The following CMIP variants were observed in gnomAD, a reference collection of about 807,000 sequenced individuals.
The protein encoded by CMIP is c-Maf inducing protein, also known as C-Maf-inducing protein.
In CMIP, 13 loss-of-function variants were observed where a neutral mutation model predicts 97.3. The observed-to-expected ratio is 0.13, with a 90% CI of 0.09 to 0.21. The LOEUF is 0.21. Ranked by LOEUF, CMIP falls within the 10% of genes least tolerant of loss-of-function variation. The pLI is 1.00. For synonymous variants in CMIP, 538 were observed against 436.3 expected (o/e 1.23, Z -2.91); for missense variants, 847 against 1,024.9 (o/e 0.83, Z 2.37).
intron 1 of CMIP, among the ~76,000 whole-genome samples, chr16:81,489,735 G>T (rs1245291122): frequency 3.3e-5 from 5 of 152,206 alleles, no homozygotes; most frequent in South Asian, 2.1e-4. Flanking sequence ...GGGGGAGAGA[G>T]CTGATGTGCG....
At chr16:81,574,393 G>A (rs1597104974) in intron 1 of CMIP, among the ~76,000 whole-genome samples, 1 of 152,366 alleles carries the variant, frequency 6.6e-6, no homozygotes, top group East Asian at 1.9e-4. Context: ...CATGGCAGGG[G>A]TGCCAGGCTT....
chr16:81,524,840 CTGGAGTGCAGTGT>C (rs1318609168), intron 1 of CMIP, among the ~76,000 whole-genome samples: 1 of 151,206 alleles, frequency 6.6e-6, no homozygotes, highest in Non-Finnish European at 1.5e-5. Context: ...TCTGCCCAGG[CTGGAGTGCAGTGT>C]TGCTATCTTG....
chr16:81,578,455 C>G (rs2091239629), intron 1 of CMIP, among the ~76,000 whole-genome samples: 1 of 152,146 alleles, frequency 6.6e-6, no homozygotes, highest in East Asian at 1.9e-4. Flanking sequence ...AATTGTATAC[C>G]TGAGCAAGGG....
At chr16:81,668,152 C>T (rs2092631055) in intron 7 of CMIP, among the ~76,000 whole-genome samples, 1 of 152,072 alleles carries the variant, frequency 6.6e-6, no homozygotes, top group Admixed American at 6.5e-5. Context: ...AGGCTGCTCT[C>T]CTTAAAAAAT....
At chr16:81,496,115 C>CATCTGTAGAATGGGGAT (rs1253278883) in intron 1 of CMIP, among the ~76,000 whole-genome samples, 1 of 152,114 alleles carries the variant, frequency 6.6e-6, no homozygotes, top group African/African-American at 2.4e-5. Context: ...TTTGTTTTTT[C>CATCTGTAGAATGGGGAT]ATCTGTAGAA....
chr16:81,458,611 T>G (rs924870027), intron 1 of CMIP, among the ~76,000 whole-genome samples: 1 of 152,176 alleles, frequency 6.6e-6, no homozygotes, highest in African/African-American at 2.4e-5. Flanking sequence ...ACCCGCACAC[T>G]GTTTCCCCAT....
chr16:81,565,247 A>G (rs765837123), intron 1 of CMIP, among the ~76,000 whole-genome samples: 2 of 152,174 alleles, frequency 1.3e-5, no homozygotes, highest in Non-Finnish European at 2.9e-5. Flanking sequence ...GGCTTGTACC[A>G]TGGCCCACCT....
In CMIP at chr16:81,495,389, G is replaced by C; in HGVS notation, c.300+49848G>C. 6 of 1,547,628 alleles carry C rather than the reference G, an allele frequency of 3.9e-6. No homozygotes were observed. In the South Asian group the frequency reaches 6.1e-5, roughly 16 times the overall value. On this transcript the variant is annotated intron_variant, in intron 1 of 20. Coordinates refer to ENST00000537098, the MANE Select transcript of CMIP (RefSeq NM_198390.3). The stretch of plus-strand genomic sequence containing the variant: ...CTGGGCGTGCATGGCATAACCGTTT[G>C]AGAACAACAAACCAAGCCGGCCGGG...
In CMIP at chr16:81,614,009, C is replaced by T. The variant is rs933564992; in HGVS notation, c.426+6317C>T. 1.3e-5 allele frequency among the ~76,000 whole-genome samples: 2 copies of T among 152,182 alleles called. No homozygotes were observed. The highest frequency in any genetic ancestry group is 1.3e-4 in the Admixed American group (2 of 15,282). ...CCCATAGCCTGCAGAAGAAGGACAACTAGACAGGCGATTCCAGGACAGTGT... is the reference window on the plus strand; with the variant it reads ...CCCATAGCCTGCAGAAGAAGGACAATTAGACAGGCGATTCCAGGACAGTGT... On this transcript the variant is annotated intron_variant, in intron 2 of 20. Coordinates refer to ENST00000537098, the MANE Select transcript of CMIP (RefSeq NM_198390.3). The surrounding 1 kb of genome is among the most constrained non-coding windows in gnomAD (Gnocchi z 5.3).
At chr16:81,500,470 T>A (rs1217915952) in intron 1 of CMIP, among the ~76,000 whole-genome samples, 1 of 135,792 alleles carries the variant, frequency 7.4e-6, no homozygotes, top group African/African-American at 2.7e-5. Flanking sequence ...CCTCCTTCTT[T>A]CCTCCCCCTT....
intron 1 of CMIP, among the ~76,000 whole-genome samples, chr16:81,479,260 G>A (rs564369018): frequency 6.6e-6 from 1 of 152,160 alleles, no homozygotes; most frequent in African/African-American, 2.4e-5. Flanking sequence ...CATCTCCTAT[G>A]GTAAGGAGGT....
chr16:81,545,344 G>T (rs192500283), intron 1 of CMIP, among the ~76,000 whole-genome samples: 2 of 152,372 alleles, frequency 1.3e-5, no homozygotes, highest in Non-Finnish European at 2.9e-5. Context: ...GTGCCTGGAA[G>T]AGGGTGGGTG....
At chr16:81,613,834 C>G (rs2091870280) in intron 2 of CMIP, among the ~76,000 whole-genome samples, 1 of 152,196 alleles carries the variant, frequency 6.6e-6, no homozygotes, top group African/African-American at 2.4e-5. Context: ...GTCCATCTGT[C>G]TTATCTGTTT....
chr16:81,575,376 C>T (rs578007261), intron 1 of CMIP, among the ~76,000 whole-genome samples: 155 of 152,166 alleles, frequency 1.0e-3, no homozygotes, highest in Non-Finnish European at 1.8e-3. Flanking sequence ...TCAGTGGAGA[C>T]GACTACAAAG....
rs189394443 is a variant in CMIP, at chr16:81,526,807, G to T, written c.301-80760G>T. 1.0e-3 allele frequency among the ~76,000 whole-genome samples: 153 copies of T among 152,320 alleles called. 1 individual carries two copies. The highest frequency in any genetic ancestry group is 3.5e-3 in the African/African-American group (146 of 41,566). On this transcript the variant is annotated intron_variant, in intron 1 of 20. Coordinates refer to ENST00000537098, the MANE Select transcript of CMIP (RefSeq NM_198390.3). Reference sequence around the variant, plus strand: ...CGCCAGAGGAGCAGGTTTGCGTTTGGTTTCTGGGCAGCTCTGTGGAAGGCA... The same window carrying T: ...CGCCAGAGGAGCAGGTTTGCGTTTGTTTTCTGGGCAGCTCTGTGGAAGGCA...
At chr16:81,471,513 C>G (rs1907552284) in intron 1 of CMIP, among the ~76,000 whole-genome samples, 1 of 152,074 alleles carries the variant, frequency 6.6e-6, no homozygotes, top group South Asian at 2.1e-4. Flanking sequence ...TACACATGTG[C>G]AGACATGTAA....
chr16:81,523,227 T>C (rs1215205729), intron 1 of CMIP, among the ~76,000 whole-genome samples: 2 of 152,262 alleles, frequency 1.3e-5, no homozygotes, highest in Non-Finnish European at 2.9e-5. Flanking sequence ...GCTTTGTGTA[T>C]GTTTTTAAAG....
chr16:81,704,944 C>G (rs72831131), intron 18 of CMIP, among the ~76,000 whole-genome samples: 14,933 of 151,808 alleles, frequency 0.098, 818 homozygotes, highest in Non-Finnish European at 0.11. Context: ...CGCTGGCCTG[C>G]GGGGGGCTGC....
At position 81,710,637 on chromosome 16, in the gene CMIP, C is replaced by G. The variant is rs1201382157; in HGVS notation, c.*838C>G. 2 of 152,258 alleles carry G rather than the reference C, an allele frequency of 1.3e-5. No homozygotes were observed. The highest frequency in any genetic ancestry group is 2.9e-5 in the Non-Finnish European group (2 of 68,030). The allele number at this position is 152,258 out of a possible 1,614,324, so 9.4% of individuals were successfully genotyped here. A position where few individuals can be genotyped will look rare whatever the true frequency, so the allele number is the denominator to read the frequency against. On this transcript the variant is annotated 3_prime_UTR_variant, in exon 21 of 21. Coordinates refer to ENST00000537098, the MANE Select transcript of CMIP (RefSeq NM_198390.3). ...GTCTGTCTGTCTGTCTGCCCACTCC[C>G]CCACCCACCACTGTGCGTTTCTGAT...
Sources: gnomAD v4.1 joint callset for allele counts (sites outside exome capture counted in the v4.1 genomes callset) on GRCh38, gnomAD v4.1.1 for gene constraint, Gnocchi (gnomAD v3.1) non-coding constraint, MANE v1.5 for transcripts, NCBI Gene and HGNC (gene_info 2026-07-23, HGNC 2026-07-21) for gene names.